PRKCE: variants seen among roughly 807,000 people sequenced by gnomAD.
The protein encoded by PRKCE is protein kinase C epsilon type.
A neutral mutation model predicts 85.4 loss-of-function variants in PRKCE; 16 were observed. The ratio of observed to expected loss-of-function variants is 0.19; its 90% CI spans 0.13 to 0.28. PRKCE has a LOEUF of 0.28. Among genes scored for constraint, PRKCE ranks in the 10% least tolerant of loss-of-function variants. The pLI is 1.00. For missense variants in PRKCE, 573 were observed against 975.2 expected (o/e 0.59, Z 5.49); for synonymous variants, 388 against 371.5 (o/e 1.04, Z -0.51).
chr2:45,678,749 A>G (rs1173611921), intron 1 of PRKCE, among the ~76,000 whole-genome samples: 11 of 152,018 alleles, frequency 7.2e-5, no homozygotes. Flanking sequence ...CTGATTTCAT[A>G]AATACATTAC....
At chr2:45,721,620 C>G (rs1205505963) in intron 1 of PRKCE, among the ~76,000 whole-genome samples, 3 of 152,028 alleles carry the variant, frequency 2.0e-5, no homozygotes, top group Non-Finnish European at 4.4e-5. Context: ...GCCTGTAATC[C>G]CAGCGACTCT....
intron 2 of PRKCE, among the ~76,000 whole-genome samples, chr2:45,974,873 G>A (rs1245203402): frequency 6.6e-6 from 1 of 152,066 alleles, no homozygotes; most frequent in Admixed American, 6.5e-5. Context: ...GGACCTTCTA[G>A]GAGACCTTCT....
At chr2:46,017,863 C>G (rs953076997) in intron 10 of PRKCE, among the ~76,000 whole-genome samples, 1 of 152,160 alleles carries the variant, frequency 6.6e-6, no homozygotes, top group Admixed American at 6.5e-5. Flanking sequence ...AATTTGTTTG[C>G]AACAGAACCC....
At chr2:45,962,923 G>A (rs907375219) in intron 2 of PRKCE, among the ~76,000 whole-genome samples, 7 of 152,124 alleles carry the variant, frequency 4.6e-5, no homozygotes, top group African/African-American at 1.7e-4. Context: ...CAGAGTTTTG[G>A]TCAGTCTCAG....
intron 13 of PRKCE, among the ~76,000 whole-genome samples, chr2:46,154,705 T>C (rs1165208639): frequency 6.6e-6 from 1 of 151,916 alleles, no homozygotes; most frequent in Non-Finnish European, 1.5e-5. Context: ...TTTTCATAGG[T>C]TGACTCAGTA....
chr2:45,666,254 T>A (rs1402357353), intron 1 of PRKCE, among the ~76,000 whole-genome samples: 5 of 152,142 alleles, frequency 3.3e-5, no homozygotes, highest in Non-Finnish European at 5.9e-5. Context: ...TTTTTATATC[T>A]TTATTAGTCT....
At chr2:45,918,834 T>G (rs1465585586) in intron 2 of PRKCE, among the ~76,000 whole-genome samples, 1 of 152,162 alleles carries the variant, frequency 6.6e-6, no homozygotes, top group Non-Finnish European at 1.5e-5. Flanking sequence ...TAGTTTGTAT[T>G]TTGCAGAAGC....
At chr2:45,995,267 G>T (rs77908772) in intron 6 of PRKCE, among the ~76,000 whole-genome samples, 6,445 of 152,028 alleles carry the variant, frequency 0.042, 191 homozygotes, top group East Asian at 0.12. Context: ...TGTGTGGTTT[G>T]GTTTTGTTTG....
At chr2:45,744,426 TTTC>T (rs1191587366) in intron 1 of PRKCE, among the ~76,000 whole-genome samples, 1 of 22,464 alleles carries the variant, frequency 4.5e-5, no homozygotes, top group African/African-American at 1.8e-4. Flanking sequence ...TCTTTCTTTC[TTTC>T]TTTCTTTCTT....
chr2:45,833,383 G>A (rs1201043111), intron 1 of PRKCE, among the ~76,000 whole-genome samples: 1 of 152,134 alleles, frequency 6.6e-6, no homozygotes, highest in Non-Finnish European at 1.5e-5. Flanking sequence ...CCTGAATCAA[G>A]AGCTGTGGAA....
At chr2:45,879,085 G>T (rs1000140047) in intron 2 of PRKCE, among the ~76,000 whole-genome samples, 1 of 152,162 alleles carries the variant, frequency 6.6e-6, no homozygotes, top group African/African-American at 2.4e-5. Context: ...CTCGAATGTT[G>T]CCTTTTCCAA....
In PRKCE at chr2:45,661,523, G is replaced by GTTTTTTTT. The variant is rs367628974; in HGVS notation, c.348+9081_348+9082insTTTTTTTT. 7.9e-3 allele frequency among the ~76,000 whole-genome samples: 765 copies of GTTTTTTTT among 96,480 alleles called. 32 individuals are homozygous for GTTTTTTTT. Among genetic ancestry groups the GTTTTTTTT allele is most frequent in the Middle Eastern group, 0.019 (2 of 108 alleles). The allele number at this position is 96,480 out of a possible 152,430, so 63.3% of individuals were successfully genotyped here. On this transcript the variant is annotated intron_variant, in intron 1 of 14. Transcript: ENST00000306156. ...TTTTTTTTGTTTTGTTTTGTTTTTT[G>GTTTTTTTT]TTTTTTGTTTTTTTTTTTTTTTTTA... is the stretch of plus-strand genomic sequence containing the variant.
intron 1 of PRKCE, among the ~76,000 whole-genome samples, chr2:45,721,237 A>G (rs913629477): frequency 6.6e-6 from 1 of 152,202 alleles, no homozygotes; most frequent in Non-Finnish European, 1.5e-5. Flanking sequence ...TAACTTGCCC[A>G]AGGTCAGCCT....
intron 1 of PRKCE, among the ~76,000 whole-genome samples, chr2:45,709,773 C>G (rs1205997194): frequency 6.6e-6 from 1 of 151,998 alleles, no homozygotes; most frequent in Non-Finnish European, 1.5e-5. Flanking sequence ...ACATCTCCCA[C>G]TGGGAGAGAT....
At chr2:46,062,880 C>T (rs192984807) in intron 10 of PRKCE, among the ~76,000 whole-genome samples, 1 of 152,270 alleles carries the variant, frequency 6.6e-6, no homozygotes, top group East Asian at 1.9e-4. Flanking sequence ...CCTCCCACCT[C>T]AGCTTCCCAA....
intron 2 of PRKCE, among the ~76,000 whole-genome samples, chr2:45,961,575 C>T (rs901920017): frequency 2.6e-5 from 4 of 152,208 alleles, no homozygotes; most frequent in African/African-American, 9.6e-5. Context: ...TGGGGACAGG[C>T]AGAGACCCCA....
In PRKCE at chr2:45,769,125, T is replaced by C. The variant is rs56313649; in HGVS notation, c.349-73875T>C. On this transcript the variant is annotated intron_variant, in intron 1 of 14. Coordinates refer to ENST00000306156, the MANE Select transcript of PRKCE (RefSeq NM_005400.3). The stretch of plus-strand genomic sequence containing the variant: ...ATTTAAAATTCTCTAATCAGATTAG[T>C]TTATTTTTAATCATCTGGAGTCTGG... 8.8e-3 allele frequency among the ~76,000 whole-genome samples: 1,345 copies of C among 152,318 alleles called. 11 individuals carry two copies. Among genetic ancestry groups the C allele is most frequent in the African/African-American group, 0.031 (1,283 of 41,560 alleles).
intron 1 of PRKCE, among the ~76,000 whole-genome samples, chr2:45,830,017 G>A (rs375535490): frequency 6.9e-6 from 1 of 145,092 alleles, no homozygotes; most frequent in East Asian, 2.1e-4. Context: ...AGCTTGCAGT[G>A]AGCCGAGATC....
chr2:45,912,266 A>G (rs952129782), intron 2 of PRKCE, among the ~76,000 whole-genome samples: 3 of 152,190 alleles, frequency 2.0e-5, no homozygotes, highest in Non-Finnish European at 2.9e-5. Context: ...ATAAGGGGTC[A>G]ATGTCCAGCC....
Sources: gnomAD v4.1 joint callset for allele counts (sites outside exome capture counted in the v4.1 genomes callset) on GRCh38, gnomAD v4.1.1 for gene constraint, MANE v1.5 for transcripts, NCBI Gene and HGNC (gene_info 2026-07-23, HGNC 2026-07-21) for gene names.